DDX46: variants seen among roughly 807,000 people sequenced by gnomAD.
DDX46 encodes probable ATP-dependent RNA helicase DDX46.
A neutral mutation model predicts 134.9 loss-of-function variants in DDX46; 30 were observed. The observed-to-expected ratio is 0.22, with a 90% confidence interval of 0.17 to 0.30. The LOEUF is 0.30. Among genes scored for constraint, DDX46 ranks in the 10% least tolerant of loss-of-function variants. DDX46 has a pLI of 1.00. For missense variants in DDX46, 622 were observed against 1,248.7 expected, an observed-to-expected ratio of 0.50 and a Z score of 7.56; for synonymous variants, 415 against 404.1, an observed-to-expected ratio of 1.03 and a Z score of -0.32.
chr5:134,765,048 G>A (rs546457136), intron 2 of DDX46, among the ~76,000 whole-genome samples: 29 of 150,996 alleles, frequency 1.9e-4, no homozygotes, highest in Middle Eastern at 3.4e-3. Context: ...ACTAAAGAGC[G>A]CCTTAATCTT....
chr5:134,781,340 C>A, intron 7 of DDX46, 94 bp downstream of exon 7: 1 of 957,562 alleles, frequency 1.0e-6, no homozygotes, highest in African/African-American at 1.7e-5. Flanking sequence ...TTTGTGTGAG[C>A]TAGGAGAAAT....
At chr5:134,795,606 C>T (rs566455321) in intron 14 of DDX46, among the ~76,000 whole-genome samples, 2 of 152,250 alleles carry the variant, frequency 1.3e-5, no homozygotes, top group South Asian at 4.1e-4. Flanking sequence ...TGACTCATGC[C>T]TGTAATCCCA....
intron 21 of DDX46, among the ~76,000 whole-genome samples, chr5:134,819,665 G>A (rs1362268891): frequency 6.6e-6 from 1 of 151,778 alleles, no homozygotes; most frequent in Admixed American, 6.6e-5. Context: ...CAAGTAGCTG[G>A]GACTACAGGA....
chr5:134,771,022 A>C (rs1753748560), intron 4 of DDX46, 23 bp downstream of exon 4: 1 of 968,596 alleles, frequency 1.0e-6, no homozygotes, highest in African/African-American at 1.7e-5. Flanking sequence ...ACTTAAAAAT[A>C]ATTTTCTTTC....
At chr5:134,797,956 ACATGCACCAC>A (rs892380893) in intron 15 of DDX46, among the ~76,000 whole-genome samples, 2 of 151,722 alleles carry the variant, frequency 1.3e-5, no homozygotes, top group African/African-American at 4.8e-5. Context: ...GGGATTACAG[ACATGCACCAC>A]CATGCCTGGC....
At chr5:134,812,045 G>A (rs1462191949) in intron 18 of DDX46, among the ~76,000 whole-genome samples, 200 bp downstream of exon 18, 2 of 150,354 alleles carry the variant, frequency 1.3e-5, no homozygotes, top group Non-Finnish European at 3.0e-5. Context: ...GCACTTCAAA[G>A]GATGTGAAAA....
At chr5:134,803,502 T>C (rs971775872) in intron 15 of DDX46, among the ~76,000 whole-genome samples, 1 of 152,100 alleles carries the variant, frequency 6.6e-6, no homozygotes, top group Admixed American at 6.6e-5. Context: ...TAAGACTGAG[T>C]TTCTGTTCAA....
In DDX46 at chr5:134,830,844, A is replaced by G. The variant is rs777058690; in HGVS notation, c.*2138A>G. 6.6e-6 allele frequency: 1 copy of G among 152,640 alleles called. No individual in the cohort carries two copies. The highest frequency in any genetic ancestry group is 1.5e-5 in the Non-Finnish European group (1 of 68,038). 9.5% of individuals were successfully genotyped at this position (152,640 alleles called of 1,614,324 possible). ...TGTTTTCTTTGGTAGAGTATATGGC[A>G]GTCCCACATCGATGATAATTGGTGC... On this transcript the variant is annotated 3_prime_UTR_variant, in exon 23 of 23. Coordinates refer to ENST00000452510, the MANE Select transcript of DDX46 (RefSeq NM_001300860.2).
chr5:134,789,994 A>G (rs896082327), intron 12 of DDX46: 7 of 434,530 alleles, frequency 1.6e-5, no homozygotes, highest in Admixed American at 7.4e-5. Context: ...TTCTAAATAT[A>G]TGGAAGTAGG....
chr5:134,768,046 A>G (rs1753633249), intron 3 of DDX46, among the ~76,000 whole-genome samples: 1 of 152,092 alleles, frequency 6.6e-6, no homozygotes, highest in Non-Finnish European at 1.5e-5. Context: ...TAAAGAGCCC[A>G]GAAAGGCATC....
intron 15 of DDX46, chr5:134,797,197 A>AAAC (rs1754691086): frequency 7.4e-6 from 2 of 269,696 alleles, no homozygotes; most frequent in African/African-American, 5.0e-5. Context: ...AAAAAAAAAA[A>AAAC]CACAAAACAC....
intron 15 of DDX46, among the ~76,000 whole-genome samples, chr5:134,807,053 CTT>C (rs766339943): frequency 4.3e-5 from 6 of 140,086 alleles, no homozygotes; most frequent in Admixed American, 1.4e-4. Flanking sequence ...TCTGCATTTC[CTT>C]TTTTTTTTTT....
rs540520100 is a variant in DDX46 at position 134,790,608 on chromosome 5, A to T, written c.1626+56A>T. The T allele has an allele frequency of 1.5e-4, 219 of 1,451,284 alleles. 3 individuals carry two copies. The South Asian group carries it at 2.2e-3, about 14-fold the overall frequency. 89.9% of individuals were successfully genotyped at this position (1,451,284 alleles called of 1,614,324 possible). The stretch of plus-strand genomic sequence containing the variant: ...ATGTAAATATAACTTTGTAGTTGCC[A>T]TGAGAATGAAATGTTCATGTGGTTT... On this transcript the variant is annotated intron_variant, in intron 13 of 22. Transcript: ENST00000452510.
At chr5:134,828,611 T>C in intron 22 of DDX46, 48 bp from the exon 23 acceptor site, 1 of 1,345,618 alleles carries the variant, frequency 7.4e-7, no homozygotes, top group Non-Finnish European at 9.9e-7. Context: ...TTTTTTGTTT[T>C]TTTTGTTTTG....
chr5:134,813,383 C>T (rs1755201837), intron 18 of DDX46, among the ~76,000 whole-genome samples: 1 of 152,218 alleles, frequency 6.6e-6, no homozygotes, highest in Admixed American at 6.6e-5. Flanking sequence ...GGCTTAGGCG[C>T]TCGTGAGATT....
At position 134,790,479 on chromosome 5, in the gene DDX46, C is replaced by T; in HGVS notation, c.1553C>T (p.Thr518Ile). ...DMLAANSGRV[T>I]NLRRVTYVVL... ...TTTCTTTTCATCTTAGGTCGGGTCACAAATCTTCGAAGAGTGACATATGTT... is the reference window on the plus strand; with the variant it reads ...TTTCTTTTCATCTTAGGTCGGGTCATAAATCTTCGAAGAGTGACATATGTT... The change falls in exon 13 of 23, where the codon ACA becomes ATA. Residue 518 changes from threonine (T) to isoleucine (I), a missense_variant. Physicochemically the swap from Thr to Ile is moderately conservative, Grantham distance 89. Transcript: ENST00000452510. 1.2e-6 allele frequency: 2 copies of T among 1,611,070 alleles called. No individual in the cohort carries two copies. The highest frequency in any genetic ancestry group is 1.7e-6 in the Non-Finnish European group (2 of 1,179,208).
intron 1 of DDX46, among the ~76,000 whole-genome samples, chr5:134,760,650 G>T (rs1445932854): frequency 2.0e-5 from 3 of 152,230 alleles, no homozygotes; most frequent in Admixed American, 6.5e-5. Flanking sequence ...ATATAGAATA[G>T]TGACGGTTGG....
intron 15 of DDX46, among the ~76,000 whole-genome samples, chr5:134,806,932 T>C (rs1365228827): frequency 1.3e-5 from 2 of 152,212 alleles, no homozygotes; most frequent in Non-Finnish European, 2.9e-5. Flanking sequence ...GAGATATCCA[T>C]TTGGGTACTT....
Position 134,763,889 on chromosome 5 carries a change from G to C in DDX46, c.18-15G>C. On this transcript the variant is annotated splice_polypyrimidine_tract_variant and intron_variant, in intron 1 of 22. Coordinates refer to ENST00000452510, the MANE Select transcript of DDX46 (RefSeq NM_001300860.2). ...ATGGTGTTTGCTGAACTTAATCTTT[G>C]ACTTATTGTTCTAGCCACTATCGAA... The C allele has an allele frequency of 6.2e-7, 1 of 1,601,192 alleles. No individual in the cohort carries two copies. Among genetic ancestry groups the C allele is most frequent in the Non-Finnish European group, 8.5e-7 (1 of 1,173,638 alleles).
Sources: allele counts gnomAD v4.1 joint callset (sites outside exome capture counted in the v4.1 genomes callset), GRCh38; gene constraint gnomAD v4.1.1; transcripts MANE v1.5; gene names NCBI Gene and HGNC (gene_info 2026-07-23, HGNC 2026-07-21).